TNR: variants seen among roughly 807,000 people sequenced by gnomAD.
TNR encodes the protein tenascin R.
A neutral mutation model predicts 150.4 loss-of-function variants in TNR; 45 were observed. That is an observed-to-expected ratio of 0.30 (90% CI 0.24 to 0.38). TNR has a LOEUF of 0.38. TNR is among the 10% of genes least tolerant of loss of function. The pLI, the probability that TNR is intolerant of heterozygous loss-of-function variation, is 1.00. For synonymous variants in TNR, 687 were observed against 678.4 expected (o/e 1.01, Z -0.20); for missense variants, 1,544 against 1,759.1 (o/e 0.88, Z 2.19).
chr1:175,431,607 T>C (rs1159178894), intron 2 of TNR, among the ~76,000 whole-genome samples: 1 of 151,290 alleles, frequency 6.6e-6, no homozygotes, highest in Non-Finnish European at 1.5e-5. Flanking sequence ...TTCTCCTAGG[T>C]GGCCAGGAAA....
Position 175,359,727 on chromosome 1 carries a change from C to T in TNR, c.2859G>A (p.Met953Ile), listed in dbSNP as rs770890372. 3.7e-6 allele frequency: 6 copies of T among 1,610,116 alleles called. No homozygotes were observed. The Admixed American group carries it at 1.0e-4, about 27-fold the overall frequency. The part of the protein sequence containing the change: ...ERICTLVHTA[M>I]DNPVDLIATN... Reference sequence around the variant, plus strand: ...TAGCAATCAGATCCACAGGGTTGTCCATGGCTGAAACAGAATAGATTATCA... The same window carrying T: ...TAGCAATCAGATCCACAGGGTTGTCTATGGCTGAAACAGAATAGATTATCA... The change falls in exon 15 of 23, where the codon ATG becomes ATA. Residue 953 changes from methionine to isoleucine, a missense_variant. Transcript: ENST00000367674.
chr1:175,652,894 C>A (rs541270115), intron 1 of TNR, among the ~76,000 whole-genome samples: 1 of 152,236 alleles, frequency 6.6e-6, no homozygotes, highest in East Asian at 1.9e-4. Flanking sequence ...AAATTCACAG[C>A]AAGGGAAAGC....
Position 175,355,608 on chromosome 1 carries a change from T to A in TNR, c.3144A>T (p.Thr1048=), listed in dbSNP as rs769847703. Residue 1048 remains threonine (T), a synonymous_variant, in exon 17 of 23, where the codon ACA becomes ACT. Coordinates refer to ENST00000367674, the MANE Select transcript of TNR (RefSeq NM_003285.3). ...CACTTTGTCTGGTGACTTCACTGGC[T>A]GTCAGGTTTGCCGGAGGGTCCAGGA... ...STLLDPPANL[T]ASEVTRQSAL... is the part of the protein sequence containing the mutation. The A allele has an allele frequency of 6.2e-7, 1 of 1,614,082 alleles. No individual in the cohort carries two copies. The highest frequency in any genetic ancestry group is 1.3e-5 in the African/African-American group (1 of 75,060).
chr1:175,675,787 C>T (rs983597777), intron 1 of TNR, among the ~76,000 whole-genome samples: 18 of 152,166 alleles, frequency 1.2e-4, no homozygotes, highest in African/African-American at 4.1e-4. Context: ...AGCTATTAGA[C>T]AGCTGTCACT....
chr1:175,734,872 C>T (rs546465383), intron 1 of TNR, among the ~76,000 whole-genome samples: 8 of 152,344 alleles, frequency 5.3e-5, no homozygotes, highest in South Asian at 4.1e-4. Flanking sequence ...AGTGGGCACA[C>T]GTGCTCACAG....
At chr1:175,679,074 T>C (rs2101908767) in intron 1 of TNR, among the ~76,000 whole-genome samples, 1 of 152,370 alleles carries the variant, frequency 6.6e-6, no homozygotes, top group South Asian at 2.1e-4. Context: ...GCTTCTGACT[T>C]GCGGGAGGGC....
chr1:175,627,771 T>C lies in TNR; in HGVS notation c.-164-99402A>G, dbSNP rs892237651. The stretch of plus-strand genomic sequence containing the variant: ...TAATCTGAGGCTCTCCTAACGTTTT[T>C]ACACAATCAGATGTGTTCTTTGGAA... On this transcript the variant is annotated intron_variant, in intron 1 of 22. Transcript: ENST00000367674. Among the ~76,000 whole-genome samples, 11 of 152,296 alleles carry C rather than the reference T, an allele frequency of 7.2e-5. No homozygotes were observed. The East Asian group carries it at 1.9e-3, about 27-fold the overall frequency.
Position 175,657,274 on chromosome 1 carries a change from G to A in TNR, c.-165+85952C>T, listed in dbSNP as rs546527749. Among the ~76,000 whole-genome samples the A allele has an allele frequency of 2.6e-5, 4 of 152,284 alleles. No individual in the cohort carries two copies. In the East Asian group the frequency reaches 7.7e-4, roughly 29 times the overall value. On this transcript the variant is annotated intron_variant, in intron 1 of 22. Coordinates refer to ENST00000367674, the MANE Select transcript of TNR (RefSeq NM_003285.3). ...TCATTAAAAAGTCAGGGAACAACAC[G>A]TGCTGGCGAGGATGTGGAGAAATAG...
chr1:175,491,044 A>G (rs72725429), intron 2 of TNR, among the ~76,000 whole-genome samples: 1,746 of 152,364 alleles, frequency 0.011, 15 homozygotes, highest in Non-Finnish European at 0.018. Context: ...TAGCCATAAA[A>G]AGGAATGAAA....
At chr1:175,576,026 T>C (rs188724156) in intron 1 of TNR, among the ~76,000 whole-genome samples, 11 of 152,294 alleles carry the variant, frequency 7.2e-5, no homozygotes, top group African/African-American at 2.4e-4. Context: ...AGCTATTTTT[T>C]CCCCTCATTC....
intron 2 of TNR, among the ~76,000 whole-genome samples, chr1:175,516,962 A>T (rs1299116312): frequency 6.6e-6 from 1 of 150,668 alleles, no homozygotes; most frequent in Non-Finnish European, 1.5e-5. Flanking sequence ...TGATTTTGAC[A>T]CTTTTTAATC....
Position 175,396,701 on chromosome 1 carries a change from CG to C in TNR, c.1082del (p.Pro361ArgfsTer98). 1 of 1,614,208 alleles carries C rather than the reference CG, an allele frequency of 6.2e-7. No homozygotes were observed. The highest frequency in any genetic ancestry group is 8.5e-7 in the Non-Finnish European group (1 of 1,180,028). On this transcript the variant is annotated frameshift_variant, in exon 5 of 23. Coordinates refer to ENST00000367674, the MANE Select transcript of TNR (RefSeq NM_003285.3). LOFTEE classifies it high-confidence loss of function. The stretch of plus-strand genomic sequence containing the variant: ...GGAGCTGGAGGCCCCCCAGGGCCGT[CG>C]GCTGGTAAGAGATCACATATTCCGT... ...AVTEYVISYQPTALGGLQLQQ... is the reference protein window; with the variant it reads ...AVTEYVISYQXTALGGLQLQQ...
At chr1:175,605,109 T>G (rs1291527210) in intron 1 of TNR, among the ~76,000 whole-genome samples, 3 of 152,230 alleles carry the variant, frequency 2.0e-5, no homozygotes, top group African/African-American at 4.8e-5. Context: ...TGACTCATTC[T>G]CACATCAGGC....
intron 1 of TNR, among the ~76,000 whole-genome samples, chr1:175,741,305 G>T (rs1339483035): frequency 6.6e-6 from 1 of 152,094 alleles, no homozygotes; most frequent in East Asian, 1.9e-4. Flanking sequence ...TTATAAAATG[G>T]GTCCAATAAT....
intron 1 of TNR, among the ~76,000 whole-genome samples, chr1:175,538,620 C>G (rs1660382762): frequency 6.6e-6 from 1 of 152,214 alleles, no homozygotes; most frequent in African/African-American, 2.4e-5. Flanking sequence ...GTTGATTCCT[C>G]TTTGGATGAG....
intron 1 of TNR, among the ~76,000 whole-genome samples, chr1:175,620,247 G>C (rs1362650177): frequency 1.3e-5 from 2 of 152,198 alleles, no homozygotes; most frequent in Admixed American, 6.5e-5. Flanking sequence ...AGCAATGAGT[G>C]TGCACTTTCA....
chr1:175,437,585 A>C (rs1655567075), intron 2 of TNR, among the ~76,000 whole-genome samples: 1 of 152,262 alleles, frequency 6.6e-6, no homozygotes, highest in Non-Finnish European at 1.5e-5. Context: ...CAATGAATTC[A>C]GGAGCTGGTT....
At chr1:175,524,902 G>C (rs1458557338) in intron 2 of TNR, among the ~76,000 whole-genome samples, 8 of 152,204 alleles carry the variant, frequency 5.3e-5, no homozygotes, top group Admixed American at 2.6e-4. Context: ...AATTTCCTGA[G>C]ATGTGGGTAG....
rs760152309 is a variant in TNR, at chr1:175,403,152, C to G, written c.964G>C (p.Asp322His). ...CVCEEGYQGP[D>H]CSAVAPPEDL... ...TTCCCCTGCCTACCTGCTGAGCAGT[C>G]AGGGCCCTGGTAGCCCTCTTCACAG... Residue 322 changes from aspartate to histidine, a missense_variant, in exon 4 of 23, where the codon GAC (aspartate) becomes CAC (histidine). Coordinates refer to ENST00000367674, the MANE Select transcript of TNR (RefSeq NM_003285.3). The G allele has an allele frequency of 2.5e-6, 4 of 1,611,658 alleles. No individual in the cohort carries two copies. In the South Asian group the frequency reaches 3.3e-5, roughly 13 times the overall value.
Sources: gnomAD v4.1 joint callset for allele counts (sites outside exome capture counted in the v4.1 genomes callset) on GRCh38, gnomAD v4.1.1 for gene constraint, MANE v1.5 for transcripts, NCBI Gene and HGNC (gene_info 2026-07-23, HGNC 2026-07-21) for gene names.